ACTB: variants seen among roughly 807,000 people sequenced by gnomAD.
ACTB encodes actin beta, also known as actin, cytoplasmic 1.
Under a neutral mutation model 30.5 loss-of-function variants are expected in ACTB, and 2 were observed. That is an observed-to-expected ratio of 0.07 (90% CI 0.03 to 0.21). ACTB has a LOEUF of 0.21. Among genes scored for constraint, ACTB ranks in the 10% least tolerant of loss-of-function variants. The pLI, the probability that ACTB is intolerant of heterozygous loss-of-function variation, is 1.00. For missense variants in ACTB, 56 were observed against 530.0 expected, an observed-to-expected ratio of 0.11 and a Z score of 8.78; for synonymous variants, 335 against 217.6, an observed-to-expected ratio of 1.54 and a Z score of -4.75.
Position 5,528,732 on chromosome 7 carries a change from G to A in ACTB, c.364-13C>T, listed in dbSNP as rs750756712. Reference sequence around the variant, plus strand: ...TCTCAAACATGATCTGTAAGGCAGAGATACACCATGTCACACTGGGGAAGC... The same window carrying A: ...TCTCAAACATGATCTGTAAGGCAGAAATACACCATGTCACACTGGGGAAGC... On this transcript the variant is annotated splice_polypyrimidine_tract_variant and intron_variant, in intron 3 of 5. Transcript: ENST00000646664. 2.0e-5 allele frequency: 32 copies of A among 1,612,598 alleles called. 1 individual carries two copies. Among genetic ancestry groups the A allele is most frequent in the South Asian group, 7.7e-5 (7 of 91,078 alleles).
intron 3 of ACTB, 146 bp downstream of exon 3, chr7:5,529,015 G>A (rs764777227): frequency 2.5e-6 from 4 of 1,609,356 alleles, no homozygotes; most frequent in Non-Finnish European, 3.4e-6. Flanking sequence ...AAAGCAAATA[G>A]AACCTGCAGA....
chr7:5,528,863 C>T, intron 3 of ACTB, 144 bp from the exon 4 acceptor site: 3 of 1,379,636 alleles, frequency 2.2e-6, no homozygotes, highest in Non-Finnish European at 3.0e-6. Context: ...CTACTGTGCA[C>T]CTACTTAATA....
chr7:5,529,703 C>G, intron 1 of ACTB, 40 bp from the exon 2 acceptor site: 1 of 1,609,592 alleles, frequency 6.2e-7, no homozygotes, highest in Non-Finnish European at 8.5e-7. Flanking sequence ...CGAGGTCGCC[C>G]CCGCCCTGGC....
intron 3 of ACTB, 165 bp from the exon 4 acceptor site, chr7:5,528,884 G>A (rs1784821044): frequency 5.7e-6 from 8 of 1,409,198 alleles, no homozygotes; most frequent in African/African-American, 2.8e-5. Context: ...CACACTCCAA[G>A]GCCGCTTTAC....
In ACTB at chr7:5,529,792, G is replaced by C. The variant is rs559517590; in HGVS notation, c.-6-129C>G. 2.1e-4 allele frequency: 307 copies of C among 1,458,642 alleles called. 2 individuals carry two copies. In the South Asian group the frequency reaches 3.4e-3, roughly 16 times the overall value. The allele number at this position is 1,458,642 out of a possible 1,614,324, so 90.4% of individuals were successfully genotyped here. On this transcript the variant is annotated intron_variant, in intron 1 of 5. Coordinates refer to ENST00000646664, the MANE Select transcript of ACTB (RefSeq NM_001101.5). The stretch of plus-strand genomic sequence containing the variant: ...GATTGGGGACAAAGGAAGCCGGGCC[G>C]GCCGCGTTATTACCATAAAAGGCAA...
rs1584262153 is a variant in ACTB, at chr7:5,528,636, A to T, written c.447T>A (p.Thr149=). 6.2e-7 allele frequency: 1 copy of T among 1,613,924 alleles called. No homozygotes were observed. The change falls in exon 4 of 6, where the codon ACT becomes ACA. Residue 149 remains threonine (T), a synonymous_variant. Coordinates refer to ENST00000646664, the MANE Select transcript of ACTB (RefSeq NM_001101.5). ...VLSLYASGRT[T]GIVMDSGDGV... ...CGTCACCGGAGTCCATCACGATGCC[A>T]GTGGTACGGCCAGAGGCGTACAGGG...
chr7:5,529,758 G>A (rs773688518), intron 1 of ACTB, 95 bp from the exon 2 acceptor site: 64 of 1,580,254 alleles, frequency 4.0e-5, no homozygotes, highest in Non-Finnish European at 5.3e-5. Context: ...GGGCGCCGGC[G>A]CGCGCCCAGA....
chr7:5,527,639 ACCAAAACAAAAC>A lies in ACTB; in HGVS notation c.*97_*108del. 1 of 1,505,354 alleles carries A rather than the reference ACCAAAACAAAAC, an allele frequency of 6.6e-7. No individual in the cohort carries two copies. Among genetic ancestry groups the A allele is most frequent in the Non-Finnish European group, 9.1e-7 (1 of 1,102,286 alleles). The allele number at this position is 1,505,354 out of a possible 1,614,324, so 93.2% of individuals were successfully genotyped here. A position where few individuals can be genotyped will look rare whatever the true frequency, so the allele number is the denominator to read the frequency against. ...GAGTCAAGCCAAAAAAAAAAAAAAAACCAAAACAAAACAAAAAAAACAAATAAAGCCATGCCA... is the reference window on the plus strand; with the variant it reads ...GAGTCAAGCCAAAAAAAAAAAAAAAAAAAAAAAACAAATAAAGCCATGCCA... On this transcript the variant is annotated 3_prime_UTR_variant, in exon 6 of 6. Transcript: ENST00000646664.
intron 3 of ACTB, 44 bp downstream of exon 3, chr7:5,529,117 G>A (rs1562719640): frequency 3.1e-6 from 5 of 1,613,676 alleles, no homozygotes; most frequent in African/African-American, 2.7e-5. Context: ...CGGGAGGCCA[G>A]GAAGGAGGGA....
intron 3 of ACTB, 185 bp from the exon 4 acceptor site, chr7:5,528,904 A>G: frequency 2.8e-6 from 4 of 1,442,394 alleles, no homozygotes; most frequent in Non-Finnish European, 3.8e-6. Flanking sequence ...CACCAGCCTC[A>G]TGGCCTTGTC....
At chr7:5,527,975 A>C (rs1231278837) in intron 5 of ACTB, 29 bp downstream of exon 5, 1 of 1,613,182 alleles carries the variant, frequency 6.2e-7, no homozygotes, top group East Asian at 2.2e-5. Context: ...CGACCTGCCC[A>C]GGTCAGCTCA....
At position 5,528,037 on chromosome 7, in the gene ACTB, G is replaced by A. The variant is rs13447408; in HGVS notation, c.951C>T (p.Ile317=). Residue 317 remains isoleucine, a synonymous_variant, in exon 5 of 6, where the codon ATC becomes ATT. Transcript: ENST00000646664. ...TCATTGTGCTGGGTGCCAGGGCAGT[G>A]ATCTCCTTCTGCATCCTGTCGGCAA... ...PGIADRMQKE[I]TALAPSTMKI... is the part of the protein sequence containing the mutation. The A allele has an allele frequency of 5.2e-4, 844 of 1,614,232 alleles. 2 individuals are homozygous for A. In the African/African-American group the frequency reaches 0.01, roughly 20 times the overall value.
intron 2 of ACTB, 29 bp downstream of exon 2, chr7:5,529,506 G>A: frequency 6.2e-7 from 1 of 1,611,958 alleles, no homozygotes; most frequent in South Asian, 1.1e-5. Flanking sequence ...CCCGCTCCCG[G>A]GGCTGCCCCA....
chr7:5,528,955 T>TAA, intron 3 of ACTB: 1 of 1,542,730 alleles, frequency 6.5e-7, no homozygotes, highest in South Asian at 1.2e-5. Flanking sequence ...AACACTGTCT[T>TAA]AGACACCTAG....
At chr7:5,529,793 G>A in intron 1 of ACTB, 130 bp from the exon 2 acceptor site, 3 of 1,451,606 alleles carry the variant, frequency 2.1e-6, no homozygotes, top group Non-Finnish European at 2.9e-6. Context: ...AGCCGGGCCG[G>A]CCGCGTTATT....
rs763430371 is a variant in ACTB, at chr7:5,528,098, G to A, written c.890C>T (p.Thr297Ile). The A allele has an allele frequency of 6.2e-7, 1 of 1,614,252 alleles. No homozygotes were observed. The highest frequency in any genetic ancestry group is 8.5e-7 in the Non-Finnish European group (1 of 1,180,046). The change falls in exon 5 of 6, where the codon ACA becomes ATA. Residue 297 changes from threonine to isoleucine, a missense_variant. Transcript: ENST00000646664. ...CATGGTGGTGCCGCCAGACAGCACT[G>A]TGTTGGCGTACAGGTCTTTGCGGAT... ...VDIRKDLYAN[T>I]VLSGGTTMYP...
At chr7:5,529,090 G>C in intron 3 of ACTB, 71 bp downstream of exon 3, 1 of 1,613,504 alleles carries the variant, frequency 6.2e-7, no homozygotes, top group Non-Finnish European at 8.5e-7. Context: ...GAGAACCAGT[G>C]AGAAAGGGCG....
chr7:5,527,449 C>A lies in ACTB; in HGVS notation c.*299G>T. On this transcript the variant is annotated 3_prime_UTR_variant, in exon 6 of 6. Coordinates refer to ENST00000646664, the MANE Select transcript of ACTB (RefSeq NM_001101.5). The stretch of plus-strand genomic sequence containing the variant: ...TTCTCCTTAGAGAGAAGTGGGGTGG[C>A]TTTTAGGATGGCAAGGGACTTCCTG... The A allele has an allele frequency of 4.1e-6, 2 of 490,228 alleles. No homozygotes were observed. Among genetic ancestry groups the A allele is most frequent in the Non-Finnish European group, 3.7e-6 (1 of 273,354 alleles). 30.4% of individuals were successfully genotyped at this position (490,228 alleles called of 1,614,324 possible).
Position 5,528,727 on chromosome 7 carries a change from G to A in ACTB, c.364-8C>T, listed in dbSNP as rs751843940. The A allele has an allele frequency of 1.4e-5, 22 of 1,612,504 alleles. No individual in the cohort carries two copies. In the East Asian group the frequency reaches 1.8e-4, roughly 13 times the overall value. On this transcript the variant is annotated splice_polypyrimidine_tract_variant and splice_region_variant and intron_variant, in intron 3 of 5. Coordinates refer to ENST00000646664, the MANE Select transcript of ACTB (RefSeq NM_001101.5). The stretch of plus-strand genomic sequence containing the variant: ...GAAGGTCTCAAACATGATCTGTAAG[G>A]CAGAGATACACCATGTCACACTGGG...
Sources: allele counts gnomAD v4.1 joint callset, GRCh38; gene constraint gnomAD v4.1.1; transcripts MANE v1.5; gene names NCBI Gene and HGNC (gene_info 2026-07-23, HGNC 2026-07-21).